The following SMOC2 variants were observed in gnomAD, a reference collection of about 807,000 sequenced individuals.
The protein encoded by SMOC2 is SPARC-related modular calcium-binding protein 2.
SMOC2 carries 39 observed loss-of-function variants against 61.4 expected under a neutral mutation model. The ratio of observed to expected loss-of-function variants is 0.64; its 90% CI spans 0.49 to 0.83. The LOEUF (loss-of-function observed/expected upper bound fraction) is 0.83. SMOC2 is among the 40% of genes least tolerant of loss of function. SMOC2 has a pLI of 0.00. For missense variants in SMOC2, 556 were observed against 592.9 expected (o/e 0.94, Z 0.65); for synonymous variants, 247 against 239.9 (o/e 1.03, Z -0.27).
At chr6:168,492,780 C>G (rs1413309731) in intron 1 of SMOC2, among the ~76,000 whole-genome samples, 1 of 152,228 alleles carries the variant, frequency 6.6e-6, no homozygotes, top group Non-Finnish European at 1.5e-5. Context: ...CCCACCACCA[C>G]AAAATAATTT....
At chr6:168,597,522 G>C (rs904749594) in intron 7 of SMOC2, among the ~76,000 whole-genome samples, 11 of 152,212 alleles carry the variant, frequency 7.2e-5, no homozygotes, top group Admixed American at 2.6e-4. Context: ...GGGCTGTGAT[G>C]TGGACGCACC....
intron 7 of SMOC2, among the ~76,000 whole-genome samples, chr6:168,557,048 T>C (rs1156420065): frequency 1.3e-5 from 2 of 152,172 alleles, no homozygotes; most frequent in African/African-American, 2.4e-5. Flanking sequence ...ATCGGACATA[T>C]TAAAATTAGT....
chr6:168,501,593 A>G (rs1408174278), intron 1 of SMOC2, among the ~76,000 whole-genome samples: 1 of 152,190 alleles, frequency 6.6e-6, no homozygotes, highest in Non-Finnish European at 1.5e-5. Context: ...GCTCTAGGAA[A>G]TCCTGGCTCA....
intron 4 of SMOC2, among the ~76,000 whole-genome samples, chr6:168,528,371 A>C (rs1183034081): frequency 1.3e-5 from 2 of 151,688 alleles, no homozygotes; most frequent in East Asian, 1.9e-4. Context: ...GACTTATCAG[A>C]CCATCTATGA....
At chr6:168,624,010 G>T (rs1279399885) in intron 9 of SMOC2, among the ~76,000 whole-genome samples, 1 of 152,218 alleles carries the variant, frequency 6.6e-6, no homozygotes, top group Admixed American at 6.5e-5. Flanking sequence ...CAGCTCAGGG[G>T]CGCTCACCCG....
intron 7 of SMOC2, among the ~76,000 whole-genome samples, chr6:168,582,405 C>G (rs535459305): frequency 2.4e-4 from 37 of 152,164 alleles, no homozygotes; most frequent in Admixed American, 1.3e-4. Context: ...CTGAGCCTTC[C>G]TCAGTCCAGA....
At chr6:168,592,598 C>T (rs76647525) in intron 7 of SMOC2, among the ~76,000 whole-genome samples, 18 of 116,956 alleles carry the variant, frequency 1.5e-4, no homozygotes, top group South Asian at 3.0e-4. Flanking sequence ...TCTAGAGGAT[C>T]GCGGAGCTCC....
At chr6:168,508,382 A>G (rs1583065709) in intron 1 of SMOC2, among the ~76,000 whole-genome samples, 1 of 152,208 alleles carries the variant, frequency 6.6e-6, no homozygotes, top group East Asian at 1.9e-4. Context: ...GACTTAACCC[A>G]CAGTGGTGCT....
At chr6:168,552,553 G>A (rs1265023302) in intron 7 of SMOC2, among the ~76,000 whole-genome samples, 4 of 152,022 alleles carry the variant, frequency 2.6e-5, no homozygotes, top group Admixed American at 2.0e-4. Context: ...TTTTGTTCCC[G>A]CAGACATAGA....
intron 1 of SMOC2, among the ~76,000 whole-genome samples, chr6:168,476,122 T>C (rs1437405436): frequency 1.3e-5 from 2 of 152,168 alleles, no homozygotes; most frequent in Non-Finnish European, 2.9e-5. Flanking sequence ...TCAAACTCTA[T>C]TTTTATTTTA....
At chr6:168,538,180 G>A (rs1177565620) in intron 4 of SMOC2, among the ~76,000 whole-genome samples, 1 of 148,150 alleles carries the variant, frequency 6.7e-6, no homozygotes, top group Non-Finnish European at 1.5e-5. Context: ...TGGGGGAGTG[G>A]GGTGACCCCT....
intron 7 of SMOC2, among the ~76,000 whole-genome samples, chr6:168,580,058 G>A (rs1009673536): frequency 3.0e-5 from 4 of 134,170 alleles, no homozygotes; most frequent in South Asian, 4.8e-4. Context: ...TCTGAGATGC[G>A]TTCCGAGATG....
At chr6:168,543,977 T>C (rs1429781427) in intron 5 of SMOC2, among the ~76,000 whole-genome samples, 3 of 152,100 alleles carry the variant, frequency 2.0e-5, no homozygotes. Context: ...TGAGGCTCAG[T>C]ATTTTGGCTC....
At chr6:168,523,079 A>ATTCT (rs551183247) in intron 2 of SMOC2, among the ~76,000 whole-genome samples, 16,857 of 93,424 alleles carry the variant, frequency 0.18, 4,585 homozygotes, top group South Asian at 0.32. Flanking sequence ...TTGTACAGTA[A>ATTCT]TTTTTTTTTT....
At chr6:168,541,394 C>A (rs1783875550) in intron 4 of SMOC2, among the ~76,000 whole-genome samples, 1 of 152,194 alleles carries the variant, frequency 6.6e-6, no homozygotes, top group African/African-American at 2.4e-5. Context: ...TTCTCGGCCC[C>A]TTTTCTGCAA....
intron 1 of SMOC2, among the ~76,000 whole-genome samples, chr6:168,457,867 TG>T (rs1441321756): frequency 6.6e-6 from 1 of 152,158 alleles, no homozygotes; most frequent in Non-Finnish European, 1.5e-5. Flanking sequence ...TCTTTTTTCA[TG>T]GTGGTATTTC....
At chr6:168,539,203 A>G (rs75708825) in intron 4 of SMOC2, among the ~76,000 whole-genome samples, 8,754 of 152,246 alleles carry the variant, frequency 0.057, 500 homozygotes, top group East Asian at 0.3. Context: ...CTGATTTTAT[A>G]TATTCTTAGA....
intron 4 of SMOC2, among the ~76,000 whole-genome samples, chr6:168,530,412 T>C (rs1393048228): frequency 6.6e-6 from 1 of 152,092 alleles, no homozygotes; most frequent in East Asian, 1.9e-4. Flanking sequence ...TAAATTCCTA[T>C]TAATCAGATA....
chr6:168,632,300 G>A (rs1294780755), intron 9 of SMOC2, among the ~76,000 whole-genome samples: 1 of 152,128 alleles, frequency 6.6e-6, no homozygotes, highest in Non-Finnish European at 1.5e-5. Context: ...CGCAATTATA[G>A]AACAAGTCAT....
Sources: allele counts gnomAD v4.1 joint callset (sites outside exome capture counted in the v4.1 genomes callset), GRCh38; gene constraint gnomAD v4.1.1; transcripts MANE v1.5; gene names NCBI Gene and HGNC (gene_info 2026-07-23, HGNC 2026-07-21).